UBXN11: variants seen among roughly 807,000 people sequenced by gnomAD.
The protein encoded by UBXN11 is UBX domain-containing protein 11.
In UBXN11, 47 loss-of-function variants were observed where a neutral mutation model predicts 62.8. The ratio of observed to expected loss-of-function variants is 0.75; its 90% CI spans 0.59 to 0.95. UBXN11 has a LOEUF of 0.95. Ranked by LOEUF, UBXN11 falls within the 40% of genes least tolerant of loss-of-function variation. The pLI, the probability that UBXN11 is intolerant of heterozygous loss-of-function variation, is 0.00. For missense variants in UBXN11, 638 were observed against 661.7 expected (o/e 0.96, Z 0.39); for synonymous variants, 294 against 267.0 (o/e 1.10, Z -0.99).
intron 1 of UBXN11, among the ~76,000 whole-genome samples, chr1:26,303,630 C>CAAA (rs5773154): frequency 0.17 from 13,068 of 78,962 alleles, 1,744 homozygotes; most frequent in Middle Eastern, 0.27. Flanking sequence ...AACTCCATCT[C>CAAA]AAAAAAAAAA....
chr1:26,301,306 A>G lies in UBXN11; in HGVS notation c.101-282T>C, dbSNP rs563197702. Among the ~76,000 whole-genome samples, 29 of 149,264 alleles carry G rather than the reference A, an allele frequency of 1.9e-4. No individual in the cohort carries two copies. The East Asian group carries it at 5.5e-3, about 28-fold the overall frequency. ...CTGAGCTACAAGAGTCAGGGTGGCA[A>G]TGTGTGGACAGGCCTCCCGGGAGAA... On this transcript the variant is annotated intron_variant, in intron 3 of 14. Coordinates refer to ENST00000374222, the MANE Select transcript of UBXN11 (RefSeq NM_001389556.1).
chr1:26,289,223 A>G (rs2073201793), intron 8 of UBXN11, among the ~76,000 whole-genome samples: 1 of 152,064 alleles, frequency 6.6e-6, no homozygotes. Flanking sequence ...GAGGACGATA[A>G]AAGTTTCCAC....
At chr1:26,304,389 T>C (rs1458349493) in intron 1 of UBXN11, among the ~76,000 whole-genome samples, 1 of 151,888 alleles carries the variant, frequency 6.6e-6, no homozygotes, top group African/African-American at 2.4e-5. Flanking sequence ...AGAGAGATCT[T>C]AAAACATAAA....
In UBXN11 at chr1:26,283,433, T is replaced by C. The variant is rs112940649; in HGVS notation, c.1078-496A>G. 2.2e-3 allele frequency among the ~76,000 whole-genome samples: 333 copies of C among 151,964 alleles called. 2 individuals carry two copies. Among genetic ancestry groups the C allele is most frequent in the South Asian group, 0.01 (49 of 4,810 alleles). ...GCTCAATTGGACTGGAAGGAAAAGG[T>C]TGGTGTGAGGAGGGGCCTGGCAATA... On this transcript the variant is annotated intron_variant, in intron 12 of 14. Transcript: ENST00000374222.
At chr1:26,294,366 C>G in intron 7 of UBXN11, 35 bp from the exon 8 acceptor site, 1 of 1,606,832 alleles carries the variant, frequency 6.2e-7, no homozygotes, top group Non-Finnish European at 8.5e-7. Context: ...GGGGCACCGT[C>G]AGCTCAGCCC....
chr1:26,285,907 G>C lies in UBXN11; in HGVS notation c.690C>G (p.Leu230=), dbSNP rs369607205. Residue 230 remains leucine (L), a synonymous_variant, in exon 9 of 15, where the codon CTC becomes CTG. Transcript: ENST00000374222. The part of the protein sequence containing the change: ...PVPGGARLRT[L]EPIPLKLYRN... ...GGTAGAGCTTCAGCGGGATGGGCTC[G>C]AGGGTACGCAGCCGTGCCCCGCCGG... is the stretch of plus-strand genomic sequence containing the variant. 11 of 1,613,572 alleles carry C rather than the reference G, an allele frequency of 6.8e-6. No individual in the cohort carries two copies. The highest frequency in any genetic ancestry group is 6.6e-5 in the South Asian group (6 of 91,062).
In UBXN11 at chr1:26,282,356, ACTGGGGCCGGGACCGGGACCG is replaced by A. The variant is rs775078045; in HGVS notation, c.1485_1505del (p.Gly496_Ser502del). 9.4e-5 allele frequency: 34 copies of A among 360,322 alleles called. 1 individual carries two copies. The African/African-American group carries it at 1.3e-3, about 14-fold the overall frequency. 22.3% of individuals were successfully genotyped at this position (360,322 alleles called of 1,614,324 possible). ...GACTGGGGCCGGGACCGGGACCGGG[ACTGGGGCCGGGACCGGGACCG>A]GGACTGGGGCCGGGACCGGGACCGG... On this transcript the variant is annotated inframe_deletion, in exon 15 of 15. Transcript: ENST00000374222.
chr1:26,297,140 G>A (rs917668055), intron 6 of UBXN11, 145 bp from the exon 7 acceptor site: 1 of 1,026,846 alleles, frequency 9.7e-7, no homozygotes, highest in Non-Finnish European at 1.4e-6. Context: ...CCTCTCCTCT[G>A]ACCCCGTGGC....
rs2073075582 is a variant in UBXN11 at position 26,284,359 on chromosome 1, C to G, written c.973+3G>C. On this transcript the variant is annotated splice_donor_region_variant and intron_variant, in intron 11 of 14. Transcript: ENST00000374222. ...CCTGGCTCAGCCTGGAGGCCAAACT[C>G]ACCTGGGTGCTCCTCCACCCTGTCC... 1 of 1,613,984 alleles carries G rather than the reference C, an allele frequency of 6.2e-7. No individual in the cohort carries two copies. The highest frequency in any genetic ancestry group is 1.3e-5 in the African/African-American group (1 of 74,938).
chr1:26,283,041 T>A, intron 12 of UBXN11, 104 bp from the exon 13 acceptor site: 2 of 1,458,280 alleles, frequency 1.4e-6, no homozygotes, highest in Non-Finnish European at 1.9e-6. Flanking sequence ...ATGAGACCAG[T>A]GAGCAAAGCG....
At chr1:26,308,513 T>C (rs944513375), upstream of UBXN11, among the ~76,000 whole-genome samples, 1 of 152,076 alleles carries the variant, frequency 6.6e-6, no homozygotes. Flanking sequence ...GGGCGGAAAG[T>C]GTGACTGGAG....
intron 3 of UBXN11, 81 bp from the exon 4 acceptor site, chr1:26,301,105 C>G (rs547409336): frequency 1.2e-6 from 2 of 1,606,698 alleles, no homozygotes; most frequent in African/African-American, 1.3e-5. Flanking sequence ...GCCAGTGTGA[C>G]GCGGCCTATG....
At chr1:26,303,949 G>A (rs758416239) in intron 1 of UBXN11, among the ~76,000 whole-genome samples, 9 of 152,150 alleles carry the variant, frequency 5.9e-5, no homozygotes, top group Non-Finnish European at 1.3e-4. Context: ...TGCACCTGAA[G>A]GACATAATCG....
chr1:26,298,148 A>G, intron 4 of UBXN11, 86 bp from the exon 5 acceptor site: 1 of 1,397,230 alleles, frequency 7.2e-7, no homozygotes, highest in Non-Finnish European at 9.8e-7. Flanking sequence ...GGGTCCCAGG[A>G]ATGGAAATGA....
Position 26,282,941 on chromosome 1 carries a change from G to A in UBXN11, c.1078-4C>T. ...GGGCAGGCAATGGGCAGCAGTTCTG[G>A]AAGGTATCAGTGGAGGGTGGACAGA... On this transcript the variant is annotated splice_polypyrimidine_tract_variant and splice_region_variant and intron_variant, in intron 12 of 14. Coordinates refer to ENST00000374222, the MANE Select transcript of UBXN11 (RefSeq NM_001389556.1). 1 of 1,614,184 alleles carries A rather than the reference G, an allele frequency of 6.2e-7. No homozygotes were observed. The highest frequency in any genetic ancestry group is 8.5e-7 in the Non-Finnish European group (1 of 1,180,028).
chr1:26,284,330 G>A (rs779104074), intron 11 of UBXN11, 32 bp downstream of exon 11: 1 of 1,613,808 alleles, frequency 6.2e-7, no homozygotes, highest in Non-Finnish European at 8.5e-7. Flanking sequence ...CAGTCCCCCA[G>A]CCCCCTGGCT....
chr1:26,301,341 C>A (rs2073529145), intron 3 of UBXN11, among the ~76,000 whole-genome samples: 1 of 152,046 alleles, frequency 6.6e-6, no homozygotes, highest in Non-Finnish European at 1.5e-5. Flanking sequence ...AAGGCTGTCA[C>A]ACTGGAGGAG....
chr1:26,292,442 C>T (rs2073290333), intron 8 of UBXN11, among the ~76,000 whole-genome samples: 1 of 152,118 alleles, frequency 6.6e-6, no homozygotes, highest in African/African-American at 2.4e-5. Context: ...TCACTTCAGC[C>T]CAGGAGGTTG....
At chr1:26,314,190 A>T (rs528152568) in intron 1 of UBXN11, among the ~76,000 whole-genome samples, 3 of 152,162 alleles carry the variant, frequency 2.0e-5, no homozygotes, top group Non-Finnish European at 4.4e-5. Flanking sequence ...TGATTATTCC[A>T]TTATCTGGAT....
Sources: gnomAD v4.1 joint callset for allele counts (sites outside exome capture counted in the v4.1 genomes callset) on GRCh38, gnomAD v4.1.1 for gene constraint, MANE v1.5 for transcripts, NCBI Gene and HGNC (gene_info 2026-07-23, HGNC 2026-07-21) for gene names.